The following PLCL1 variants were observed in gnomAD, a reference collection of about 807,000 sequenced individuals.
PLCL1 encodes the protein phospholipase C like 1 (inactive).
A neutral mutation model predicts 84.4 loss-of-function variants in PLCL1; 41 were observed. The observed-to-expected ratio is 0.49, with a 90% confidence interval of 0.38 to 0.63. The LOEUF is 0.63. PLCL1 is among the 30% of genes least tolerant of loss of function. PLCL1 has a pLI of 0.00. For missense variants in PLCL1, 1,206 were observed against 1,367.8 expected (o/e 0.88, Z 1.87); for synonymous variants, 490 against 488.3 (o/e 1.00, Z -0.05).
chr2:197,968,567 T>C (rs1689795186), intron 1 of PLCL1, among the ~76,000 whole-genome samples: 1 of 152,242 alleles, frequency 6.6e-6, no homozygotes, highest in African/African-American at 2.4e-5. Flanking sequence ...TTTCTTTGCA[T>C]TGAAGGGCTT....
At chr2:197,856,068 A>G (rs1687325439) in intron 1 of PLCL1, among the ~76,000 whole-genome samples, 2 of 152,158 alleles carry the variant, frequency 1.3e-5, no homozygotes, top group Admixed American at 1.3e-4. Context: ...TTACTTTCTA[A>G]GGTGATTTTG....
intron 3 of PLCL1, among the ~76,000 whole-genome samples, chr2:198,091,594 C>T (rs556701903): frequency 8.6e-5 from 13 of 151,912 alleles, no homozygotes; most frequent in South Asian, 4.1e-4. Flanking sequence ...GCAGGAGAAT[C>T]GCTTGAACCT....
At chr2:197,970,539 A>G (rs1689841709) in intron 1 of PLCL1, among the ~76,000 whole-genome samples, 1 of 152,256 alleles carries the variant, frequency 6.6e-6, no homozygotes, top group Admixed American at 6.5e-5. Context: ...AAGTATGTGA[A>G]CTATCTCAAT....
At chr2:198,113,668 G>A (rs759736729) in intron 5 of PLCL1, among the ~76,000 whole-genome samples, 3 of 151,848 alleles carry the variant, frequency 2.0e-5, no homozygotes, top group Non-Finnish European at 4.4e-5. Flanking sequence ...ACTTGAGTGT[G>A]GTTGCCAAAA....
At chr2:198,010,149 C>G (rs2105828967) in intron 1 of PLCL1, among the ~76,000 whole-genome samples, 1 of 152,050 alleles carries the variant, frequency 6.6e-6, no homozygotes, top group Middle Eastern at 3.4e-3. Flanking sequence ...AAATTTTAGG[C>G]TTTTTATTTC....
At chr2:198,004,690 C>G (rs139821074) in intron 1 of PLCL1, among the ~76,000 whole-genome samples, 192 of 152,158 alleles carry the variant, frequency 1.3e-3, no homozygotes, top group African/African-American at 4.2e-3. Flanking sequence ...ATCTTAAATA[C>G]TGGAAAGAAT....
At chr2:198,120,612 G>A (rs1156668716) in intron 5 of PLCL1, among the ~76,000 whole-genome samples, 1 of 151,966 alleles carries the variant, frequency 6.6e-6, no homozygotes, top group African/African-American at 2.4e-5. Flanking sequence ...TTAACACAAT[G>A]ACCTCCAGTT....
intron 1 of PLCL1, among the ~76,000 whole-genome samples, chr2:197,889,124 T>C (rs962661042): frequency 5.9e-5 from 9 of 152,208 alleles, no homozygotes; most frequent in Non-Finnish European, 1.0e-4. Context: ...AGACATCATC[T>C]AGCCCCGGGC....
At position 197,805,072 on chromosome 2, in the gene PLCL1, C is replaced by G; in HGVS notation, c.-28C>G. On this transcript the variant is annotated 5_prime_UTR_variant, in exon 1 of 6. Transcript: ENST00000428675. This position sits in a 1 kb window ranked among gnomAD's most constrained non-coding sequence, Gnocchi z 4.0. ...CTCCGCTGCCGGGCGTCCCGCTTTC[C>G]CCCGGGGAGCCCTAAACGCTCCAGG... 1 of 1,422,872 alleles carries G rather than the reference C, an allele frequency of 7.0e-7. No homozygotes were observed. The highest frequency in any genetic ancestry group is 9.1e-7 in the Non-Finnish European group (1 of 1,093,974). 88.1% of individuals were successfully genotyped at this position (1,422,872 alleles called of 1,614,324 possible).
At chr2:198,115,250 G>C (rs1693716530) in intron 5 of PLCL1, among the ~76,000 whole-genome samples, 1 of 151,832 alleles carries the variant, frequency 6.6e-6, no homozygotes, top group Admixed American at 6.6e-5. Flanking sequence ...ATTAAAGTTT[G>C]GCCAAGTCCA....
intron 1 of PLCL1, among the ~76,000 whole-genome samples, chr2:197,838,744 G>A (rs1294001185): frequency 6.6e-6 from 1 of 152,192 alleles, no homozygotes; most frequent in East Asian, 1.9e-4. Context: ...CACAGGGGAA[G>A]AGATGGGAAT....
intron 1 of PLCL1, among the ~76,000 whole-genome samples, chr2:197,958,452 A>G (rs1689535836): frequency 6.6e-6 from 1 of 152,068 alleles, no homozygotes; most frequent in South Asian, 2.1e-4. Context: ...CCTGGACCAC[A>G]TGCAGCCACA....
At chr2:197,846,920 T>C (rs1189603154) in intron 1 of PLCL1, among the ~76,000 whole-genome samples, 1 of 152,182 alleles carries the variant, frequency 6.6e-6, no homozygotes, top group Non-Finnish European at 1.5e-5. Flanking sequence ...GTTGTGCAGC[T>C]GTATTGCTGA....
chr2:198,080,492 T>G (rs1007527446), intron 1 of PLCL1, among the ~76,000 whole-genome samples: 1 of 152,190 alleles, frequency 6.6e-6, no homozygotes, highest in African/African-American at 2.4e-5. Flanking sequence ...TTTGGAGTCG[T>G]CCACCCTTCA....
chr2:197,847,464 A>C (rs1006231590), intron 1 of PLCL1, among the ~76,000 whole-genome samples: 3 of 152,158 alleles, frequency 2.0e-5, no homozygotes, highest in African/African-American at 7.2e-5. Context: ...CCTCTGGAAT[A>C]CAAAAAGGTA....
chr2:197,928,958 G>A (rs1349041406), intron 1 of PLCL1, among the ~76,000 whole-genome samples: 9 of 151,970 alleles, frequency 5.9e-5, no homozygotes, highest in Non-Finnish European at 1.2e-4. Context: ...TTCCCCTTTG[G>A]TAATCTTTTT....
intron 1 of PLCL1, among the ~76,000 whole-genome samples, chr2:197,930,051 G>A (rs908914370): frequency 1.3e-5 from 2 of 152,130 alleles, no homozygotes; most frequent in African/African-American, 4.8e-5. Flanking sequence ...GCATTAATCT[G>A]TGCAAATGCC....
chr2:198,088,864 A>G lies in PLCL1; in HGVS notation c.2722A>G (p.Ile908Val), dbSNP rs142389942. 13 of 1,601,136 alleles carry G rather than the reference A, an allele frequency of 8.1e-6. No individual in the cohort carries two copies. The highest frequency in any genetic ancestry group is 2.2e-5 in the East Asian group (1 of 44,838). ...CATGTTTTCTTCCTCACAGAATGCA[A>G]TCGTGTCTATTAAGGAACTATGTGG... is the stretch of plus-strand genomic sequence containing the variant. The part of the protein sequence containing the change: ...IDMRENMQNA[I>V]VSIKELCGLP... Residue 908 changes from isoleucine to valine, a missense_variant, in exon 3 of 6, where the codon ATC (isoleucine) becomes GTC (valine). Coordinates refer to ENST00000428675, the MANE Select transcript of PLCL1 (RefSeq NM_006226.4).
chr2:197,944,117 G>T (rs1689222911), intron 1 of PLCL1, among the ~76,000 whole-genome samples: 1 of 152,116 alleles, frequency 6.6e-6, no homozygotes, highest in Admixed American at 6.5e-5. Flanking sequence ...TGCGTATCTG[G>T]GTAGATAGCT....
Sources: gnomAD v4.1 joint callset for allele counts (sites outside exome capture counted in the v4.1 genomes callset) on GRCh38, gnomAD v4.1.1 for gene constraint, Gnocchi (gnomAD v3.1) non-coding constraint, MANE v1.5 for transcripts, NCBI Gene and HGNC (gene_info 2026-07-23, HGNC 2026-07-21) for gene names.